MAGI2: variants seen among roughly 807,000 people sequenced by gnomAD.
MAGI2 encodes membrane associated guanylate kinase, WW and PDZ domain containing 2.
A neutral mutation model predicts 133.3 loss-of-function variants in MAGI2; 35 were observed. The ratio of observed to expected loss-of-function variants is 0.26; its 90% CI spans 0.20 to 0.35. The LOEUF (loss-of-function observed/expected upper bound fraction) is 0.35. MAGI2 is among the 10% of genes least tolerant of loss of function. MAGI2 has a pLI of 1.00. For synonymous variants in MAGI2, 729 were observed against 710.6 expected, an observed-to-expected ratio of 1.03 and a Z score of -0.41; for missense variants, 1,636 against 1,863.4, an observed-to-expected ratio of 0.88 and a Z score of 2.25.
chr7:78,221,343 C>T (rs145306936), intron 10 of MAGI2, among the ~76,000 whole-genome samples: 48 of 152,252 alleles, frequency 3.2e-4, no homozygotes, highest in African/African-American at 1.1e-3. Context: ...GCATTGTGCC[C>T]CAGACACCTC....
intron 3 of MAGI2, among the ~76,000 whole-genome samples, chr7:78,622,638 G>A (rs1038576073): frequency 2.0e-5 from 3 of 152,032 alleles, no homozygotes; most frequent in Non-Finnish European, 4.4e-5. Context: ...CACATTAAGT[G>A]GTAGCCCTAG....
chr7:78,186,792 T>C (rs1276120340), intron 12 of MAGI2, among the ~76,000 whole-genome samples: 2 of 152,290 alleles, frequency 1.3e-5, no homozygotes, highest in Admixed American at 1.3e-4. Context: ...TAAAACACTT[T>C]CTTATTTCAT....
At chr7:79,223,078 G>T (rs1442653218) in intron 1 of MAGI2, among the ~76,000 whole-genome samples, 1 of 151,884 alleles carries the variant, frequency 6.6e-6, no homozygotes, top group East Asian at 1.9e-4. Context: ...GTAGAGACGG[G>T]GTTTTATCGT....
chr7:79,374,626 T>G (rs1180617931), intron 1 of MAGI2, among the ~76,000 whole-genome samples: 2 of 152,002 alleles, frequency 1.3e-5, no homozygotes, highest in Admixed American at 6.6e-5. Flanking sequence ...AATATACATG[T>G]AATATAATGG....
At chr7:79,436,606 T>C (rs1484793236) in intron 1 of MAGI2, among the ~76,000 whole-genome samples, 1 of 152,112 alleles carries the variant, frequency 6.6e-6, no homozygotes, top group Non-Finnish European at 1.5e-5. Flanking sequence ...ATACTGAGCA[T>C]GACTAATCTT....
chr7:78,577,794 A>T (rs1802421712), intron 3 of MAGI2, among the ~76,000 whole-genome samples: 1 of 152,140 alleles, frequency 6.6e-6, no homozygotes, highest in South Asian at 2.1e-4. Flanking sequence ...GTGGAATGTC[A>T]TCAGTTAAGG....
chr7:78,267,012 G>A (rs141796685), intron 9 of MAGI2, among the ~76,000 whole-genome samples: 29 of 152,304 alleles, frequency 1.9e-4, no homozygotes, highest in Non-Finnish European at 3.5e-4. Context: ...GTTGCAGGAT[G>A]TCTACTGGTG....
intron 2 of MAGI2, among the ~76,000 whole-genome samples, chr7:78,892,372 A>G (rs147902845): frequency 0.37 from 56,725 of 152,030 alleles, 12,300 homozygotes; most frequent in South Asian, 0.58. Flanking sequence ...AGAATTGGAA[A>G]AAACTACTTT....
Position 79,170,137 on chromosome 7 carries a change from C to CTTTTTT in MAGI2, c.302-162937_302-162932dup, listed in dbSNP as rs10539344. ...TCAATGGTTACTTTGAGATATTATA[C>CTTTTTT]TTTTTTTTTTTTTTTTTTTTTTTTT... On this transcript the variant is annotated intron_variant, in intron 1 of 21. Coordinates refer to ENST00000354212, the MANE Select transcript of MAGI2 (RefSeq NM_012301.4). Among the ~76,000 whole-genome samples, 10 of 42,952 alleles carry CTTTTTT rather than the reference C, an allele frequency of 2.3e-4. 1 individual carries two copies. Among genetic ancestry groups the CTTTTTT allele is most frequent in the Admixed American group, 4.4e-4 (1 of 2,288 alleles). The allele number at this position is 42,952 out of a possible 152,430, so 28.2% of individuals were successfully genotyped here. A position where few individuals can be genotyped will look rare whatever the true frequency, so the allele number is the denominator to read the frequency against.
intron 2 of MAGI2, among the ~76,000 whole-genome samples, chr7:78,709,199 T>C (rs1342830875): frequency 3.3e-5 from 5 of 152,114 alleles, no homozygotes; most frequent in African/African-American, 7.2e-5. Context: ...AAGCCTCTAA[T>C]GAGATAGAGC....
intron 20 of MAGI2, among the ~76,000 whole-genome samples, chr7:78,099,213 T>A (rs1331269890): frequency 6.6e-6 from 1 of 152,234 alleles, no homozygotes; most frequent in African/African-American, 2.4e-5. Context: ...AATCCTTAGA[T>A]GTTTAAGAGG....
intron 1 of MAGI2, among the ~76,000 whole-genome samples, chr7:79,055,556 T>A (rs1813077132): frequency 7.5e-6 from 1 of 133,976 alleles, no homozygotes; most frequent in Admixed American, 7.2e-5. Context: ...TAGAACACAC[T>A]TTTTTTTTTT....
At position 78,662,792 on chromosome 7, in the gene MAGI2, T is replaced by C. The variant is rs1409053186; in HGVS notation, c.419-35553A>G. Among the ~76,000 whole-genome samples the C allele has an allele frequency of 3.3e-5, 5 of 152,194 alleles. No homozygotes were observed. The East Asian group carries it at 5.8e-4, about 18-fold the overall frequency. On this transcript the variant is annotated intron_variant, in intron 2 of 21. Coordinates refer to ENST00000354212, the MANE Select transcript of MAGI2 (RefSeq NM_012301.4). ...ATTAGAATGGTTGTGTGTATACACA[T>C]GTGAAATGCATTTGTATCTGCCTTC...
At chr7:79,370,179 T>G (rs1429593148) in intron 1 of MAGI2, among the ~76,000 whole-genome samples, 1 of 152,148 alleles carries the variant, frequency 6.6e-6, no homozygotes, top group Non-Finnish European at 1.5e-5. Context: ...CCTAAACACT[T>G]TATTGTACAT....
chr7:78,017,844 A>G lies in MAGI2; in HGVS notation c.*1471T>C, dbSNP rs1427660531. The G allele has an allele frequency of 6.6e-6, 1 of 152,302 alleles. No homozygotes were observed. The highest frequency in any genetic ancestry group is 1.5e-5 in the Non-Finnish European group (1 of 68,072). 9.4% of individuals were successfully genotyped at this position (152,302 alleles called of 1,614,324 possible). A position where few individuals can be genotyped will look rare whatever the true frequency, so the allele number is the denominator to read the frequency against. Reference sequence around the variant, plus strand: ...GATCGCCCCTTTTACTTTTTAGACTACAAGTGCAGGGAGGTGGAGCTTATT... The same window carrying G: ...GATCGCCCCTTTTACTTTTTAGACTGCAAGTGCAGGGAGGTGGAGCTTATT... On this transcript the variant is annotated 3_prime_UTR_variant, in exon 22 of 22. Transcript: ENST00000354212.
At chr7:79,401,864 C>T (rs1415586654) in intron 1 of MAGI2, among the ~76,000 whole-genome samples, 4 of 151,958 alleles carry the variant, frequency 2.6e-5, no homozygotes, top group African/African-American at 4.8e-5. Flanking sequence ...TAAAAAATGG[C>T]TTTTCTAAAT....
chr7:78,520,998 A>G (rs1796446934), intron 4 of MAGI2, among the ~76,000 whole-genome samples: 1 of 152,212 alleles, frequency 6.6e-6, no homozygotes, highest in Admixed American at 6.5e-5. Context: ...CTCTACTGAG[A>G]GAAGTGCAAG....
chr7:78,397,726 G>A (rs527548419), intron 6 of MAGI2, among the ~76,000 whole-genome samples: 4 of 152,186 alleles, frequency 2.6e-5, no homozygotes, highest in African/African-American at 7.2e-5. Context: ...AGAAGATGGT[G>A]ACTCCAGTTT....
At chr7:78,551,642 T>G (rs1799342258) in intron 3 of MAGI2, among the ~76,000 whole-genome samples, 1 of 152,250 alleles carries the variant, frequency 6.6e-6, no homozygotes, top group Non-Finnish European at 1.5e-5. Context: ...AGGCAGGCCC[T>G]AAGAGGGTAA....
Sources: gnomAD v4.1 joint callset for allele counts (sites outside exome capture counted in the v4.1 genomes callset) on GRCh38, gnomAD v4.1.1 for gene constraint, MANE v1.5 for transcripts, NCBI Gene and HGNC (gene_info 2026-07-23, HGNC 2026-07-21) for gene names.